Variants in LMX1B observed in about 807,000 individuals in gnomAD.
LMX1B encodes the protein LIM homeobox transcription factor 1 beta.
Under a neutral mutation model 51.4 loss-of-function variants are expected in LMX1B, and 12 were observed. The observed-to-expected ratio is 0.23, with a 90% confidence interval of 0.15 to 0.38. The LOEUF (loss-of-function observed/expected upper bound fraction) is 0.38. LMX1B is among the 10% of genes least tolerant of loss of function. LMX1B has a pLI of 1.00. For synonymous variants in LMX1B, 237 were observed against 235.4 expected, an observed-to-expected ratio of 1.01 and a Z score of -0.06; for missense variants, 445 against 571.1, an observed-to-expected ratio of 0.78 and a Z score of 2.25.
In LMX1B at chr9:126,614,607, C is replaced by T. The variant is rs371424668; in HGVS notation, c.139+19C>T. 52 of 1,552,180 alleles carry T rather than the reference C, an allele frequency of 3.4e-5. No homozygotes were observed. In the Admixed American group the frequency reaches 8.0e-4, roughly 24 times the overall value. On this transcript the variant is annotated intron_variant, in intron 1 of 7. Transcript: ENST00000373474. ...CTGCTGGGTGAGTGCGGGGTCGGAA[C>T]GCCCGAGTGGTCTCGGGCGTGGGAT...
At chr9:126,645,130 C>T (rs1588277001) in intron 2 of LMX1B, among the ~76,000 whole-genome samples, 1 of 152,218 alleles carries the variant, frequency 6.6e-6, no homozygotes, top group Non-Finnish European at 1.5e-5. Flanking sequence ...CCACCCACCA[C>T]CGCCCCACTG....
chr9:126,655,474 G>A (rs980130288), intron 2 of LMX1B, among the ~76,000 whole-genome samples: 3 of 152,192 alleles, frequency 2.0e-5, no homozygotes, highest in Non-Finnish European at 2.9e-5. Flanking sequence ...TAAGGTGACC[G>A]TGTCATGGAG....
In LMX1B at chr9:126,688,848, G is replaced by A. The variant is rs140398976; in HGVS notation, c.327-1988G>A. 2.7e-3 allele frequency among the ~76,000 whole-genome samples: 414 copies of A among 152,286 alleles called. 4 individuals are homozygous for A. Among genetic ancestry groups the A allele is most frequent in the African/African-American group, 9.4e-3 (389 of 41,560 alleles). The stretch of plus-strand genomic sequence containing the variant: ...ACTCACCTACTCTGTAAACACTCAC[G>A]GAGGCCCCCTTGAGGATCAGATGGG... On this transcript the variant is annotated intron_variant, in intron 2 of 7. Transcript: ENST00000373474.
At chr9:126,652,303 G>GT (rs1836030449) in intron 2 of LMX1B, among the ~76,000 whole-genome samples, 1 of 149,388 alleles carries the variant, frequency 6.7e-6, no homozygotes, top group African/African-American at 2.5e-5. Flanking sequence ...AGAAGGGGGG[G>GT]GGGATTTTCT....
At position 126,628,281 on chromosome 9, in the gene LMX1B, CAG is replaced by C. The variant is rs140863940; in HGVS notation, c.326+12713_326+12714del. Reference sequence around the variant, plus strand: ...ACTCCATCTCCCAGGGTCCCTGCCTCAGGGGAGCAGCCGGCTGGGTCATCTGT... The same window carrying C: ...ACTCCATCTCCCAGGGTCCCTGCCTCGGGAGCAGCCGGCTGGGTCATCTGT... On this transcript the variant is annotated intron_variant, in intron 2 of 7. Transcript: ENST00000373474. 2.0e-3 allele frequency among the ~76,000 whole-genome samples: 309 copies of C among 152,332 alleles called. 3 individuals carry two copies. Among genetic ancestry groups the C allele is most frequent in the African/African-American group, 6.9e-3 (288 of 41,570 alleles).
chr9:126,657,711 A>G (rs7853174), intron 2 of LMX1B, among the ~76,000 whole-genome samples: 81,790 of 152,180 alleles, frequency 0.54, 22,864 homozygotes, highest in Non-Finnish European at 0.6. Context: ...TCATTCAGGC[A>G]AGCATTCGGC....
intron 2 of LMX1B, among the ~76,000 whole-genome samples, chr9:126,622,280 G>A (rs1835429772): frequency 6.6e-6 from 1 of 152,212 alleles, no homozygotes; most frequent in Non-Finnish European, 1.5e-5. Flanking sequence ...CCTGGAGCCT[G>A]GTTCCAGAAG....
At chr9:126,684,881 A>C (rs1283539305) in intron 2 of LMX1B, among the ~76,000 whole-genome samples, 1 of 152,162 alleles carries the variant, frequency 6.6e-6, no homozygotes, top group African/African-American at 2.4e-5. Context: ...GTTGTTGTGA[A>C]GGGGCTGGGG....
chr9:126,623,903 C>T (rs1255718127), intron 2 of LMX1B, among the ~76,000 whole-genome samples: 1 of 152,224 alleles, frequency 6.6e-6, no homozygotes, highest in Non-Finnish European at 1.5e-5. Flanking sequence ...CCGCGCACCC[C>T]TCCAGGCCCA....
rs1420453395 is a variant in LMX1B at position 126,698,394 on chromosome 9, A to G, written c.*1943A>G. 2 of 152,298 alleles carry G rather than the reference A, an allele frequency of 1.3e-5. No individual in the cohort carries two copies. Among genetic ancestry groups the G allele is most frequent in the African/African-American group, 4.8e-5 (2 of 41,442 alleles). 9.4% of individuals were successfully genotyped at this position (152,298 alleles called of 1,614,324 possible). The stretch of plus-strand genomic sequence containing the variant: ...CTCCCTGTTTGACATTGGCCCATTA[A>G]TGCATCCTCTTTGGGGGACACATTC... On this transcript the variant is annotated 3_prime_UTR_variant, in exon 8 of 8. Coordinates refer to ENST00000373474, the MANE Select transcript of LMX1B (RefSeq NM_001174147.2).
rs1835500468 is a variant in LMX1B at position 126,625,256 on chromosome 9, G to T, written c.326+9687G>T. Among the ~76,000 whole-genome samples, 1 of 152,280 alleles carries T rather than the reference G, an allele frequency of 6.6e-6. No homozygotes were observed. The highest frequency in any genetic ancestry group is 2.4e-5 in the African/African-American group (1 of 41,482). ...GCGCGCTTGGGCCTCAGGAGCCGGA[G>T]CGTTGCCGTGGGGGCGGGGGAAGGG... is the stretch of plus-strand genomic sequence containing the variant. On this transcript the variant is annotated intron_variant, in intron 2 of 7. Transcript: ENST00000373474. This position sits in a 1 kb window ranked among gnomAD's most constrained non-coding sequence, Gnocchi z 5.3.
In LMX1B at chr9:126,697,874, GTTTTGTT is replaced by G. The variant is rs1362970261; in HGVS notation, c.*1426_*1432del. 9 of 157,414 alleles carry G rather than the reference GTTTTGTT, an allele frequency of 5.7e-5. No individual in the cohort carries two copies. The highest frequency in any genetic ancestry group is 1.5e-4 in the African/African-American group (6 of 40,934). 9.8% of individuals were successfully genotyped at this position (157,414 alleles called of 1,614,324 possible). On this transcript the variant is annotated 3_prime_UTR_variant, in exon 8 of 8. Transcript: ENST00000373474. ...GTTTTGTTTTGTTTTGTTTTGTTTT[GTTTTGTT>G]TTGTTTTGTTTGAGACGGAGTTTCG...
intron 2 of LMX1B, among the ~76,000 whole-genome samples, chr9:126,665,160 C>G (rs117999915): frequency 6.6e-6 from 1 of 152,236 alleles, no homozygotes; most frequent in Non-Finnish European, 1.5e-5. Flanking sequence ...TTCCTCCATG[C>G]CTTCGCGCCT....
chr9:126,630,086 C>T (rs10987375), intron 2 of LMX1B, among the ~76,000 whole-genome samples: 26,886 of 144,054 alleles, frequency 0.19, 2,995 homozygotes, highest in Middle Eastern at 0.35. Flanking sequence ...GGCGTGAACC[C>T]GGGAGACGGA....
At chr9:126,684,857 C>G (rs968578535) in intron 2 of LMX1B, among the ~76,000 whole-genome samples, 1 of 152,136 alleles carries the variant, frequency 6.6e-6, no homozygotes, top group African/African-American at 2.4e-5. Context: ...TTCAACAAAC[C>G]GGACCCAAGT....
chr9:126,629,086 A>G (rs574032629), intron 2 of LMX1B, among the ~76,000 whole-genome samples: 1 of 152,260 alleles, frequency 6.6e-6, no homozygotes, highest in South Asian at 2.1e-4. Flanking sequence ...TGGTTCTAGT[A>G]AAGCCAGTCC....
At chr9:126,637,363 C>G (rs776496211) in intron 2 of LMX1B, among the ~76,000 whole-genome samples, 3 of 152,094 alleles carry the variant, frequency 2.0e-5, no homozygotes, top group African/African-American at 7.2e-5. Flanking sequence ...GCACGTCACC[C>G]TCTGTGCCTG....
chr9:126,669,551 C>T (rs780112044), intron 2 of LMX1B, among the ~76,000 whole-genome samples: 1 of 152,138 alleles, frequency 6.6e-6, no homozygotes, highest in African/African-American at 2.4e-5. Flanking sequence ...TTCGTTTTGA[C>T]GCGTCTTGTT....
intron 2 of LMX1B, among the ~76,000 whole-genome samples, chr9:126,617,387 T>TA (rs964920352): frequency 2.6e-5 from 4 of 151,234 alleles, no homozygotes; most frequent in African/African-American, 4.9e-5. Context: ...TTGCACAGCT[T>TA]AAAAAAAAGA....
Sources: gnomAD v4.1 joint callset for allele counts (sites outside exome capture counted in the v4.1 genomes callset) on GRCh38, gnomAD v4.1.1 for gene constraint, Gnocchi (gnomAD v3.1) non-coding constraint, MANE v1.5 for transcripts, NCBI Gene and HGNC (gene_info 2026-07-23, HGNC 2026-07-21) for gene names.